Variants in ZNF704 observed in about 807,000 individuals in gnomAD.
ZNF704 encodes the protein glucocorticoid induced gene 1.
ZNF704 carries 10 observed loss-of-function variants against 44.7 expected under a neutral mutation model. The observed-to-expected ratio is 0.22, with a 90% CI of 0.14 to 0.38. The LOEUF (loss-of-function observed/expected upper bound fraction) is 0.38. Among genes scored for constraint, ZNF704 ranks in the 10% least tolerant of loss-of-function variants. The probability of loss-of-function intolerance (pLI) is 1.00; values close to 1 mark genes in which losing one functional copy is unlikely to be tolerated. For missense variants in ZNF704, 390 were observed against 545.5 expected, an observed-to-expected ratio of 0.71 and a Z score of 2.84; for synonymous variants, 211 against 207.6, an observed-to-expected ratio of 1.02 and a Z score of -0.14.
At chr8:80,791,912 G>T (rs981975681) in intron 2 of ZNF704, among the ~76,000 whole-genome samples, 1 of 152,172 alleles carries the variant, frequency 6.6e-6, no homozygotes, top group South Asian at 2.1e-4. Context: ...GAAAGATTAG[G>T]CTGGACTTGA....
chr8:80,693,442 C>T lies in ZNF704; in HGVS notation c.222-335G>A, dbSNP rs202207882. Among the ~76,000 whole-genome samples the T allele has an allele frequency of 2.6e-5, 4 of 152,154 alleles. No individual in the cohort carries two copies. The East Asian group carries it at 5.8e-4, about 22-fold the overall frequency. On this transcript the variant is annotated intron_variant, in intron 2 of 8. Coordinates refer to ENST00000327835, the MANE Select transcript of ZNF704 (RefSeq NM_001033723.3). ...TCTTGCTTTCATGGAGCCTAGAGGA[C>T]GGTGGGAAGCAACACACTTATCAGG...
intron 1 of ZNF704, among the ~76,000 whole-genome samples, chr8:80,839,691 G>T (rs1228778374): frequency 6.6e-6 from 1 of 152,202 alleles, no homozygotes; most frequent in Non-Finnish European, 1.5e-5. Flanking sequence ...AAGGGAGATG[G>T]CTCAAAAGAA....
chr8:80,710,765 T>C (rs930353895), intron 2 of ZNF704, among the ~76,000 whole-genome samples: 1 of 152,210 alleles, frequency 6.6e-6, no homozygotes, highest in Non-Finnish European at 1.5e-5. Context: ...TCCCTGCCTC[T>C]AGAACTGTGA....
chr8:80,743,280 G>A (rs1317661889), intron 2 of ZNF704, among the ~76,000 whole-genome samples: 2 of 148,164 alleles, frequency 1.3e-5, no homozygotes, highest in Admixed American at 6.7e-5. Flanking sequence ...ACATTAACAC[G>A]TTCTTATCAG....
At chr8:80,775,934 G>C (rs1807402788) in intron 2 of ZNF704, among the ~76,000 whole-genome samples, 1 of 152,180 alleles carries the variant, frequency 6.6e-6, no homozygotes, top group Admixed American at 6.5e-5. Flanking sequence ...GTGATAAAGA[G>C]TAGCTCATAA....
At chr8:80,729,259 G>A (rs1359793150) in intron 2 of ZNF704, among the ~76,000 whole-genome samples, 3 of 152,124 alleles carry the variant, frequency 2.0e-5, no homozygotes, top group African/African-American at 7.2e-5. Context: ...TGAGTGGTTG[G>A]GTGGGGGCTG....
chr8:80,738,251 A>G (rs1806697617), intron 2 of ZNF704, among the ~76,000 whole-genome samples: 1 of 152,106 alleles, frequency 6.6e-6, no homozygotes, highest in African/African-American at 2.4e-5. Flanking sequence ...TTCCCTTTCC[A>G]CATGTCTTCC....
At chr8:80,882,015 A>C in the ZNF704 span, among the ~76,000 whole-genome samples, 40 of 152,254 alleles carry the variant, frequency 2.6e-4, no homozygotes, top group African/African-American at 9.6e-4. Flanking sequence ...CAAAATTCTT[A>C]CTACAGAATA....
intron 3 of ZNF704, among the ~76,000 whole-genome samples, chr8:80,691,537 T>A (rs1004877655): frequency 1.3e-5 from 2 of 152,220 alleles, no homozygotes; most frequent in Non-Finnish European, 2.9e-5. Context: ...CTTCCTCGGC[T>A]CTTTTCCCAC....
chr8:80,761,691 A>G (rs1807134072), intron 2 of ZNF704, among the ~76,000 whole-genome samples: 1 of 152,380 alleles, frequency 6.6e-6, no homozygotes, highest in African/African-American at 2.4e-5. Context: ...TAAAATAGGC[A>G]AGAACTAATA....
At chr8:80,815,064 C>T (rs1808155021) in intron 2 of ZNF704, among the ~76,000 whole-genome samples, 1 of 152,174 alleles carries the variant, frequency 6.6e-6, no homozygotes, top group East Asian at 1.9e-4. Context: ...TAACTTTGAA[C>T]TCAAAGGTCA....
At chr8:80,871,959 ATC>A (rs1302492043) in intron 1 of ZNF704, among the ~76,000 whole-genome samples, 16 of 152,364 alleles carry the variant, frequency 1.1e-4, no homozygotes, top group African/African-American at 2.9e-4. Flanking sequence ...CAAGTGAATT[ATC>A]ACACTCATTA....
chr8:80,783,685 T>C lies in ZNF704; in HGVS notation c.221+37689A>G, dbSNP rs115906860. On this transcript the variant is annotated intron_variant, in intron 2 of 8. Coordinates refer to ENST00000327835, the MANE Select transcript of ZNF704 (RefSeq NM_001033723.3). ...CCCCTTCCCTCAACCTGTACAACCT[T>C]TCCCACTGCCGACATCGATCAACAC... 2.6e-3 allele frequency among the ~76,000 whole-genome samples: 392 copies of C among 152,142 alleles called. 1 individual carries two copies. The highest frequency in any genetic ancestry group is 9.1e-3 in the African/African-American group (377 of 41,492).
At chr8:80,830,745 G>GTTTC (rs201145734) in intron 1 of ZNF704, among the ~76,000 whole-genome samples, 1,950 of 134,836 alleles carry the variant, frequency 0.014, 70 homozygotes, top group African/African-American at 0.03. Flanking sequence ...TAGAGGGTGT[G>GTTTC]TTTCTTTCTT....
intron 5 of ZNF704, among the ~76,000 whole-genome samples, chr8:80,668,729 C>G (rs550546099): frequency 6.6e-6 from 1 of 152,156 alleles, no homozygotes; most frequent in Non-Finnish European, 1.5e-5. Context: ...TCAGAGGTGA[C>G]GGCATATTTT....
At chr8:80,871,180 C>T (rs540820537) in intron 1 of ZNF704, among the ~76,000 whole-genome samples, 1 of 152,312 alleles carries the variant, frequency 6.6e-6, no homozygotes, top group South Asian at 2.1e-4. Context: ...CTGTCCTCCA[C>T]ACAGCATGGA....
At position 80,832,223 on chromosome 8, in the gene ZNF704, T is replaced by C. The variant is rs1307293189; in HGVS notation, c.-21-10608A>G. Among the ~76,000 whole-genome samples the C allele has an allele frequency of 2.0e-5, 3 of 152,342 alleles. No homozygotes were observed. In the East Asian group the frequency reaches 5.8e-4, roughly 29 times the overall value. On this transcript the variant is annotated intron_variant, in intron 1 of 8. Coordinates refer to ENST00000327835, the MANE Select transcript of ZNF704 (RefSeq NM_001033723.3). ...ACTTGGGGAAATTGCCATTTTTTTT[T>C]TAACAAGAAGTTAACAGTATCTATT...
chr8:80,825,624 C>T (rs1417716574), intron 1 of ZNF704, among the ~76,000 whole-genome samples: 16 of 152,116 alleles, frequency 1.1e-4, no homozygotes, highest in Non-Finnish European at 2.1e-4. Flanking sequence ...AGAATATACA[C>T]TCTTCTCAGC....
chr8:80,649,374 C>T (rs900269454), intron 7 of ZNF704, among the ~76,000 whole-genome samples: 71 of 152,294 alleles, frequency 4.7e-4, no homozygotes, highest in Non-Finnish European at 4.4e-5. Flanking sequence ...GGCATCGCCT[C>T]ACCCGGGAAG....
Sources: gnomAD v4.1 joint callset for allele counts (sites outside exome capture counted in the v4.1 genomes callset) on GRCh38, gnomAD v4.1.1 for gene constraint, MANE v1.5 for transcripts, NCBI Gene and HGNC (gene_info 2026-07-23, HGNC 2026-07-21) for gene names.